Variants in NAALADL2 observed in about 807,000 individuals in gnomAD.
NAALADL2 encodes the protein inactive N-acetylated-alpha-linked acidic dipeptidase-like protein 2.
Under a neutral mutation model 87.2 loss-of-function variants are expected in NAALADL2, and 76 were observed. That is an observed-to-expected ratio of 0.87 (90% confidence interval 0.72 to 1.05). The LOEUF is 1.05. Among genes scored for constraint, NAALADL2 ranks in the 50% least tolerant of loss-of-function variants. The pLI, the probability that NAALADL2 is intolerant of heterozygous loss-of-function variation, is 0.00. For synonymous variants in NAALADL2, 354 were observed against 331.0 expected (o/e 1.07, Z -0.75); for missense variants, 1,089 against 945.8 (o/e 1.15, Z -1.99).
Position 174,747,621 on chromosome 3 carries a change from C to CAAAA in NAALADL2, c.-9+9897_-9+9900dup, listed in dbSNP as rs150843588. On this transcript the variant is annotated intron_variant, in intron 3 of 3. Coordinates refer to the NAALADL2 transcript ENST00000434257. ...TGGGTGACAGAGTAAGACCCCATCT[C>CAAAA]AAAAAAAAAAAAAAAAAAAAAAAAA... is the stretch of plus-strand genomic sequence containing the variant. Among the ~76,000 whole-genome samples, 303 of 37,472 alleles carry CAAAA rather than the reference C, an allele frequency of 8.1e-3. 1 individual carries two copies. The highest frequency in any genetic ancestry group is 0.011 in the African/African-American group (87 of 8,258). 24.6% of individuals were successfully genotyped at this position (37,472 alleles called of 152,430 possible). A position where few individuals can be genotyped will look rare whatever the true frequency, so the allele number is the denominator to read the frequency against.
intron 9 of NAALADL2, among the ~76,000 whole-genome samples, chr3:175,541,039 C>T (rs1475666937): frequency 6.6e-6 from 1 of 152,096 alleles, no homozygotes; most frequent in Non-Finnish European, 1.5e-5. Flanking sequence ...TCACTAGCTA[C>T]AATACTTTCA....
chr3:175,079,799 C>T (rs1015455167), intron 1 of NAALADL2, among the ~76,000 whole-genome samples: 5 of 151,988 alleles, frequency 3.3e-5, no homozygotes, highest in Non-Finnish European at 5.9e-5. Flanking sequence ...GCTAACTGCA[C>T]GTGCACACAC....
intron 2 of NAALADL2, among the ~76,000 whole-genome samples, chr3:174,672,167 T>A (rs1026017902): frequency 1.6e-4 from 24 of 152,088 alleles, no homozygotes; most frequent in African/African-American, 5.3e-4. Flanking sequence ...ACAATGCATT[T>A]CAATGTTTAC....
intron 4 of NAALADL2, among the ~76,000 whole-genome samples, chr3:175,267,270 G>C (rs1475940957): frequency 6.6e-6 from 1 of 151,998 alleles, no homozygotes; most frequent in East Asian, 1.9e-4. Context: ...TTTTTCCTTT[G>C]TTTTGAGTGG....
chr3:175,398,026 C>T (rs1421233155), intron 5 of NAALADL2, among the ~76,000 whole-genome samples: 1 of 151,864 alleles, frequency 6.6e-6, no homozygotes, highest in African/African-American at 2.4e-5. Flanking sequence ...TATTGTGCCC[C>T]CAAAACAAAC....
chr3:174,642,767 TATATATATATATATATATA>T (rs1723368900), intron 2 of NAALADL2, among the ~76,000 whole-genome samples: 5 of 38,500 alleles, frequency 1.3e-4, no homozygotes, highest in African/African-American at 6.2e-4. Flanking sequence ...TATATATATA[TATATATATATATATATATA>T]TATGTTTTTT....
At chr3:174,967,812 A>G (rs1448738240) in intron 1 of NAALADL2, among the ~76,000 whole-genome samples, 5 of 152,142 alleles carry the variant, frequency 3.3e-5, no homozygotes, top group African/African-American at 1.2e-4. Context: ...AGCACAGCCC[A>G]CCTAAACCCA....
At chr3:174,881,537 C>T (rs1247816568) in intron 1 of NAALADL2, among the ~76,000 whole-genome samples, 3 of 152,106 alleles carry the variant, frequency 2.0e-5, no homozygotes, top group Admixed American at 6.6e-5. Flanking sequence ...TGCTCCCAAA[C>T]TGGTTGATAG....
intron 11 of NAALADL2, among the ~76,000 whole-genome samples, chr3:175,720,356 A>C (rs1300190579): frequency 2.0e-5 from 3 of 152,166 alleles, no homozygotes; most frequent in African/African-American, 7.2e-5. Context: ...GTGAAATTAA[A>C]AATACAATGG....
intron 1 of NAALADL2, among the ~76,000 whole-genome samples, chr3:174,496,749 C>T (rs939804796): frequency 6.6e-6 from 1 of 152,000 alleles, no homozygotes; most frequent in African/African-American, 2.4e-5. Context: ...TAACAGTGAA[C>T]TCAAGTTGTG....
chr3:175,346,291 C>A (rs932443550), intron 5 of NAALADL2, among the ~76,000 whole-genome samples: 2 of 151,968 alleles, frequency 1.3e-5, no homozygotes, highest in Non-Finnish European at 2.9e-5. Flanking sequence ...TACACACATG[C>A]ATACACACAA....
At chr3:175,704,149 T>A (rs887215890) in intron 11 of NAALADL2, among the ~76,000 whole-genome samples, 19 of 152,162 alleles carry the variant, frequency 1.2e-4, no homozygotes, top group African/African-American at 4.6e-4. Flanking sequence ...AAATACAATC[T>A]GAGTATGAAA....
chr3:175,721,689 C>G (rs544393669), intron 11 of NAALADL2, among the ~76,000 whole-genome samples: 4 of 152,142 alleles, frequency 2.6e-5, no homozygotes, highest in South Asian at 4.2e-4. Flanking sequence ...CATCTACTAT[C>G]ACAATGTAAA....
chr3:174,907,454 G>A (rs980780929), intron 1 of NAALADL2, among the ~76,000 whole-genome samples: 1 of 152,004 alleles, frequency 6.6e-6, no homozygotes, highest in East Asian at 1.9e-4. Flanking sequence ...ACATTTTCAT[G>A]TATAAATTCC....
chr3:175,326,834 C>T (rs955654458), intron 5 of NAALADL2, among the ~76,000 whole-genome samples: 5 of 152,162 alleles, frequency 3.3e-5, no homozygotes, highest in African/African-American at 1.2e-4. Context: ...CTTCATGATC[C>T]AATCGCCTCT....
At chr3:174,863,110 G>A (rs1050379306) in intron 1 of NAALADL2, among the ~76,000 whole-genome samples, 2 of 152,102 alleles carry the variant, frequency 1.3e-5, no homozygotes, top group Admixed American at 6.6e-5. Flanking sequence ...CAAGTCCAAT[G>A]TTTTTACTTT....
intron 5 of NAALADL2, among the ~76,000 whole-genome samples, chr3:175,431,408 A>G (rs1450845135): frequency 1.3e-5 from 2 of 151,972 alleles, no homozygotes; most frequent in Non-Finnish European, 2.9e-5. Context: ...CAGTTTATGG[A>G]TAGTATTTGT....
intron 1 of NAALADL2, among the ~76,000 whole-genome samples, chr3:174,897,327 AT>A (rs1191356525): frequency 3.3e-5 from 5 of 151,488 alleles, no homozygotes; most frequent in Non-Finnish European, 7.3e-5. Context: ...TAGGAAAAAA[AT>A]AAAATAATCT....
chr3:174,522,706 G>A (rs368323595), intron 1 of NAALADL2, among the ~76,000 whole-genome samples: 5 of 151,716 alleles, frequency 3.3e-5, no homozygotes, highest in Admixed American at 2.6e-4. Flanking sequence ...AGGCTGAGGC[G>A]GGTGGATCAC....
Sources: allele counts gnomAD v4.1 joint callset (sites outside exome capture counted in the v4.1 genomes callset), GRCh38; gene constraint gnomAD v4.1.1; transcripts MANE v1.5; gene names NCBI Gene and HGNC (gene_info 2026-07-23, HGNC 2026-07-21).